Variants in PERM1 observed in about 807,000 individuals in gnomAD.
PERM1 encodes the protein PPARGC1 and ESRR induced regulator, muscle 1.
Under a neutral mutation model 44.1 loss-of-function variants are expected in PERM1, and 45 were observed. The ratio of observed to expected loss-of-function variants is 1.02; its 90% confidence interval spans 0.80 to 1.31. The LOEUF (loss-of-function observed/expected upper bound fraction) is 1.31, where lower values mean the gene tolerates loss of function less well. PERM1 is among the 50% of genes most tolerant of loss of function. PERM1 has a pLI of 0.00. For missense variants in PERM1, 1,189 were observed against 1,106.9 expected, an observed-to-expected ratio of 1.07 and a Z score of -1.05; for synonymous variants, 565 against 477.1, an observed-to-expected ratio of 1.18 and a Z score of -2.40.
At chr1:978,955 G>A (rs1162643014) in exon 1 of PERM1, 3 of 1,506,106 alleles carry the variant, frequency 2.0e-6, no homozygotes, top group East Asian at 2.5e-5. Context: ...CGCCCCCTCG[G>A]AGGCCGACCG....
chr1:976,615 C>T (rs1182165189), exon 2 of PERM1: 2 of 1,549,200 alleles, frequency 1.3e-6, no homozygotes, highest in African/African-American at 1.4e-5. Flanking sequence ...GACAGGCCCC[C>T]GGAGCTCCCC....
intron 2 of PERM1, 31 bp from the exon 4 acceptor site, chr1:976,300 C>T: frequency 1.4e-6 from 2 of 1,474,906 alleles, no homozygotes; most frequent in Non-Finnish European, 1.8e-6. Context: ...CTTCTGAGGG[C>T]CAGCCTGGCT....
At chr1:978,332 C>T (rs980318257) in intron 1 of PERM1, among the ~76,000 whole-genome samples, 4 of 151,004 alleles carry the variant, frequency 2.6e-5, no homozygotes, top group African/African-American at 4.9e-5. Flanking sequence ...TTCCCGAAAC[C>T]CCTCTGTCAT....
exon 1 of PERM1, chr1:980,627 C>T: frequency 1.4e-6 from 2 of 1,444,252 alleles, no homozygotes; most frequent in East Asian, 2.5e-5. Flanking sequence ...ATCTGGTCTC[C>T]AGAAGACGCC....
At chr1:982,042 G>A (rs1026909476), upstream of PERM1, 2 of 1,288,056 alleles carry the variant, frequency 1.6e-6, no homozygotes, top group East Asian at 5.5e-5. Flanking sequence ...TGGGTCAGGA[G>A]CCAGCAGCTG....
rs1041883979 is a variant in PERM1 at position 979,444 on chromosome 1, T to TG, written c.1585dup (p.Gln529ProfsTer62). On this transcript the variant is annotated frameshift_variant, in exon 1 of 3. Coordinates refer to ENST00000433179, the Ensembl canonical transcript of PERM1. LOFTEE classifies it high-confidence loss of function. The stretch of plus-strand genomic sequence containing the variant: ...CCCCCCGTGGGCCCCAGTTGCTGTC[T>TG]GGGGGGCTGAGGGCCGGGCTGAGGC... The TG allele has an allele frequency of 1.3e-6, 2 of 1,543,196 alleles. No homozygotes were observed. The highest frequency in any genetic ancestry group is 1.4e-5 in the African/African-American group (1 of 72,840).
chr1:979,323 C>G (rs1433444917), exon 1 of PERM1: 1 of 1,532,344 alleles, frequency 6.5e-7, no homozygotes. Context: ...CGGGCCCGAC[C>G]CTCGTCACGG....
At chr1:979,135 C>T (rs1358389279) in exon 1 of PERM1, 14 of 1,549,948 alleles carry the variant, frequency 9.0e-6, no homozygotes, top group African/African-American at 4.1e-5. Context: ...CTCCGGGGAC[C>T]CCCGCCGCCT....
chr1:976,121 G>GC, exon 3 of PERM1: 1 of 1,522,268 alleles, frequency 6.6e-7, no homozygotes. Flanking sequence ...CCTGCCCTGG[G>GC]CGCCTGTGGT....
exon 2 of PERM1, chr1:976,597 A>AATG: frequency 6.5e-7 from 1 of 1,549,434 alleles, no homozygotes; most frequent in African/African-American, 1.4e-5. Context: ...GCTGAAGGCA[A>AATG]ATGATGGGAC....
At chr1:976,606 A>G in exon 2 of PERM1, 2 of 1,549,394 alleles carry the variant, frequency 1.3e-6, no homozygotes, top group South Asian at 2.4e-5. Flanking sequence ...AAATGATGGG[A>G]CAGGCCCCCG....
At chr1:980,547 G>A (rs757013734) in exon 1 of PERM1, 28 of 1,462,874 alleles carry the variant, frequency 1.9e-5, no homozygotes, top group Admixed American at 1.7e-4. Flanking sequence ...CAGTGCTGTG[G>A]CCAGGGGACT....
At chr1:978,935 T>C (rs1262065326) in exon 1 of PERM1, 2 of 1,504,144 alleles carry the variant, frequency 1.3e-6, no homozygotes, top group African/African-American at 1.4e-5. Flanking sequence ...TTGAGGGGGG[T>C]CCCAGGCCCC....
chr1:978,249 C>G (rs912480841), intron 1 of PERM1, among the ~76,000 whole-genome samples: 2 of 150,360 alleles, frequency 1.3e-5, no homozygotes. Flanking sequence ...ACCGCCTGCC[C>G]CAGATACATC....
chr1:980,109 C>T lies in PERM1; in HGVS notation c.921G>A (p.Pro307=), dbSNP rs548142321. The T allele has an allele frequency of 4.2e-4, 656 of 1,549,932 alleles. 8 individuals carry two copies. In the South Asian group the frequency reaches 7.6e-3, roughly 18 times the overall value. ...ACACAGCCATGTCCCTGTCAGGTTG[C>T]GGCTCGGAGGCAGGTGTAGACACAG... The change falls in exon 1 of 3, where the codon CCG becomes CCA. Residue 307 remains proline (P), a synonymous_variant. Transcript: ENST00000433179.
intron 2 of PERM1, 58 bp downstream of exon 3, chr1:976,441 C>T: frequency 6.5e-7 from 1 of 1,548,490 alleles, no homozygotes; most frequent in South Asian, 1.2e-5. Context: ...CCTCGTCCTG[C>T]CAGCGCCCCT....
chr1:976,419 C>A, intron 2 of PERM1, 80 bp downstream of exon 3: 6 of 1,541,560 alleles, frequency 3.9e-6, no homozygotes, highest in Non-Finnish European at 4.4e-6. Flanking sequence ...AGCCCCGGGG[C>A]CCCCGTGCAC....
At chr1:979,667 C>T (rs560017531) in exon 1 of PERM1, 31 of 1,550,158 alleles carry the variant, frequency 2.0e-5, no homozygotes, top group African/African-American at 4.1e-5. Context: ...GCGAGGCCAG[C>T]GGCGTCGGCT....
exon 3 of PERM1, chr1:976,248 G>C (rs765766597): frequency 1.1e-4 from 172 of 1,530,618 alleles, no homozygotes; most frequent in Non-Finnish European, 1.5e-4. Flanking sequence ...GGCAGAGATG[G>C]TGCCGACGTT....
Sources: gnomAD v4.1 joint callset for allele counts (sites outside exome capture counted in the v4.1 genomes callset) on GRCh38, gnomAD v4.1.1 for gene constraint, MANE v1.5 for transcripts, NCBI Gene and HGNC (gene_info 2026-07-23, HGNC 2026-07-21) for gene names.